The following SAMSN1 variants were observed in gnomAD, a reference collection of about 807,000 sequenced individuals.
SAMSN1 encodes SAM domain, SH3 domain and nuclear localization signals 1.
A neutral mutation model predicts 42.0 loss-of-function variants in SAMSN1; 31 were observed. The ratio of observed to expected loss-of-function variants is 0.74; its 90% CI spans 0.55 to 1.00. The LOEUF is 1.00. Among genes scored for constraint, SAMSN1 ranks in the 50% least tolerant of loss-of-function variants. The pLI is 0.00. For missense variants in SAMSN1, 464 were observed against 439.4 expected (o/e 1.06, Z -0.50); for synonymous variants, 178 against 151.9 (o/e 1.17, Z -1.26).
intron 1 of SAMSN1, among the ~76,000 whole-genome samples, chr21:14,649,277 TG>T (rs1403817683): frequency 7.4e-5 from 3 of 40,528 alleles, no homozygotes; most frequent in South Asian, 9.6e-4. Context: ...TGTTGTGGGG[TG>T]GGGGGAGGGG....
intron 1 of SAMSN1, among the ~76,000 whole-genome samples, chr21:14,648,004 C>A (rs1983752439): frequency 6.7e-6 from 1 of 149,914 alleles, no homozygotes; most frequent in South Asian, 2.1e-4. Context: ...ATTGCCCTGG[C>A]CAGAACTTCC....
upstream of SAMSN1, among the ~76,000 whole-genome samples, chr21:14,549,431 A>G (rs1027291066): frequency 6.6e-6 from 1 of 152,160 alleles, no homozygotes; most frequent in Admixed American, 6.6e-5. Flanking sequence ...GATTCTCTGC[A>G]TTGCTCTAAT....
At chr21:14,489,791 G>A (rs575266099) in intron 7 of SAMSN1, among the ~76,000 whole-genome samples, 2 of 152,076 alleles carry the variant, frequency 1.3e-5, no homozygotes, top group Non-Finnish European at 2.9e-5. Flanking sequence ...TAAAGCCCAT[G>A]TAAAAACATT....
At chr21:14,653,648 T>G (rs1419878406) in intron 1 of SAMSN1, among the ~76,000 whole-genome samples, 1 of 151,880 alleles carries the variant, frequency 6.6e-6, no homozygotes, top group African/African-American at 2.4e-5. Flanking sequence ...ATTTAAAGGG[T>G]GTAAGTGGAA....
intron 1 of SAMSN1, among the ~76,000 whole-genome samples, chr21:14,529,060 T>C (rs1365271212): frequency 1.3e-5 from 2 of 152,194 alleles, no homozygotes; most frequent in African/African-American, 4.8e-5. Context: ...TTCTGTATGG[T>C]AATGGGTAAT....
intron 2 of SAMSN1, among the ~76,000 whole-genome samples, chr21:14,579,510 G>A (rs1981627264): frequency 6.6e-6 from 1 of 152,008 alleles, no homozygotes; most frequent in Admixed American, 6.6e-5. Flanking sequence ...AAAACAAGAA[G>A]AAATATGCTT....
At chr21:14,655,450 C>G (rs1220054492) in intron 1 of SAMSN1, among the ~76,000 whole-genome samples, 1 of 151,476 alleles carries the variant, frequency 6.6e-6, no homozygotes, top group Non-Finnish European at 1.5e-5. Context: ...AATAAAATAT[C>G]AACAAAATCA....
chr21:14,490,170 A>G (rs2822701), intron 7 of SAMSN1, among the ~76,000 whole-genome samples: 18,880 of 152,156 alleles, frequency 0.12, 1,652 homozygotes, highest in African/African-American at 0.24. Flanking sequence ...GTAAAATAAT[A>G]CAACCTTAAA....
chr21:14,506,955 T>A (rs1987439714), intron 5 of SAMSN1, among the ~76,000 whole-genome samples: 2 of 152,204 alleles, frequency 1.3e-5, no homozygotes, highest in South Asian at 4.1e-4. Context: ...CATGATCATC[T>A]CAATAGATGC....
At chr21:14,542,494 T>G (rs1980106834) in intron 1 of SAMSN1, among the ~76,000 whole-genome samples, 1 of 152,082 alleles carries the variant, frequency 6.6e-6, no homozygotes, top group Admixed American at 6.6e-5. Flanking sequence ...AAATAAAATA[T>G]TTTAGTTGGA....
At chr21:14,487,937 A>G (rs74549643) in intron 7 of SAMSN1, among the ~76,000 whole-genome samples, 10,991 of 152,014 alleles carry the variant, frequency 0.072, 471 homozygotes, top group South Asian at 0.18. Context: ...TAAGTTTGGG[A>G]GGGTTTACTT....
At chr21:14,532,542 C>T (rs1206600913) in intron 1 of SAMSN1, among the ~76,000 whole-genome samples, 1 of 152,160 alleles carries the variant, frequency 6.6e-6, no homozygotes, top group Non-Finnish European at 1.5e-5. Context: ...ATGAATACTT[C>T]AATCTCCTGA....
chr21:14,606,460 G>A (rs561256354), intron 5 of SAMSN1, among the ~76,000 whole-genome samples: 16 of 151,596 alleles, frequency 1.1e-4, no homozygotes, highest in Non-Finnish European at 2.1e-4. Context: ...CTTAATCTTA[G>A]GTAAACTCCA....
intron 2 of SAMSN1, among the ~76,000 whole-genome samples, chr21:14,561,330 G>A (rs1980941136): frequency 6.6e-6 from 1 of 152,094 alleles, no homozygotes; most frequent in Non-Finnish European, 1.5e-5. Flanking sequence ...CCTTTGGGGA[G>A]CCTGATTAGA....
intron 2 of SAMSN1, among the ~76,000 whole-genome samples, chr21:14,642,057 G>A (rs947798538): frequency 6.6e-6 from 1 of 152,190 alleles, no homozygotes; most frequent in African/African-American, 2.4e-5. Flanking sequence ...TTATTATTCA[G>A]TAAGTGGAAG....
intron 3 of SAMSN1, among the ~76,000 whole-genome samples, chr21:14,516,537 G>A (rs1006226341): frequency 1.3e-5 from 2 of 152,194 alleles, no homozygotes; most frequent in African/African-American, 2.4e-5. Flanking sequence ...GACTACAGGC[G>A]TGCACCACCA....
At chr21:14,623,103 A>G (rs1600970000) in intron 2 of SAMSN1, among the ~76,000 whole-genome samples, 1 of 152,242 alleles carries the variant, frequency 6.6e-6, no homozygotes, top group Admixed American at 6.5e-5. Flanking sequence ...CCTGCCCTAC[A>G]AGAGCTCCTA....
At chr21:14,602,115 AC>A (rs1213933545) in intron 5 of SAMSN1, 4 of 619,542 alleles carry the variant, frequency 6.5e-6, no homozygotes, top group Non-Finnish European at 9.0e-6. Flanking sequence ...AAAAGAGATA[AC>A]TGTTACATAC....
At chr21:14,630,372 T>C (rs1983297998) in intron 2 of SAMSN1, among the ~76,000 whole-genome samples, 1 of 151,988 alleles carries the variant, frequency 6.6e-6, no homozygotes. Flanking sequence ...GAATGGGCTT[T>C]TTTGCTTTAC....
Sources: allele counts gnomAD v4.1 joint callset (sites outside exome capture counted in the v4.1 genomes callset), GRCh38; gene constraint gnomAD v4.1.1; transcripts MANE v1.5; gene names NCBI Gene and HGNC (gene_info 2026-07-23, HGNC 2026-07-21).